Variants in SH2D4B observed in about 807,000 individuals in gnomAD.
The protein encoded by SH2D4B is SH2 domain containing 4B.
SH2D4B carries 45 observed loss-of-function variants against 61.5 expected under a neutral mutation model. The observed-to-expected ratio is 0.73, with a 90% CI of 0.58 to 0.94. SH2D4B has a LOEUF of 0.94. SH2D4B is among the 40% of genes least tolerant of loss of function. The pLI is 0.00. For missense variants in SH2D4B, 572 were observed against 574.2 expected (o/e 1.00, Z 0.04); for synonymous variants, 224 against 220.4 (o/e 1.02, Z -0.14).
intron 5 of SH2D4B, among the ~76,000 whole-genome samples, chr10:80,604,875 G>A (rs147780760): frequency 1.7e-3 from 255 of 151,702 alleles, no homozygotes; most frequent in African/African-American, 6.0e-3. Context: ...CCCACTGCAA[G>A]CTCCGCCTTC....
At position 80,547,461 on chromosome 10, in the gene SH2D4B, A is replaced by G. The variant is rs138228441; in HGVS notation, c.184+8946A>G. 3.1e-3 allele frequency among the ~76,000 whole-genome samples: 477 copies of G among 152,236 alleles called. 1 individual carries two copies. The highest frequency in any genetic ancestry group is 0.011 in the African/African-American group (464 of 41,522). ...TGCTGCACAGGAACACTGGGAAGTC[A>G]GGGGAGCAGATGCCCCAGATATCTG... is the stretch of plus-strand genomic sequence containing the variant. On this transcript the variant is annotated intron_variant, in intron 1 of 7. Transcript: ENST00000646907.
chr10:80,634,505 G>A lies in SH2D4B; in HGVS notation c.1209G>A (p.Lys403=), dbSNP rs1488719365. The change falls in exon 7 of 8, where the codon AAG becomes AAA. Residue 403 remains lysine (K), a splice_region_variant and synonymous_variant. Transcript: ENST00000646907. ...TCACGGATCTCGTTGATTTCCATAA[G>A]GTATCCCTCACAGGGATACTAATGG... ...ATLTDLVDFH[K]EEIITVSGGE... 2 of 1,549,558 alleles carry A rather than the reference G, an allele frequency of 1.3e-6. No individual in the cohort carries two copies. The highest frequency in any genetic ancestry group is 1.4e-5 in the African/African-American group (1 of 72,940).
At chr10:80,612,381 C>T (rs1564783898) in intron 6 of SH2D4B, among the ~76,000 whole-genome samples, 2 of 151,978 alleles carry the variant, frequency 1.3e-5, no homozygotes, top group Admixed American at 6.6e-5. Flanking sequence ...GCAGGGGACT[C>T]GGCTCTCCCT....
At chr10:80,545,774 G>A (rs1841669427) in intron 1 of SH2D4B, among the ~76,000 whole-genome samples, 1 of 152,152 alleles carries the variant, frequency 6.6e-6, no homozygotes, top group Non-Finnish European at 1.5e-5. Flanking sequence ...GGACACAGAT[G>A]CTAAAGGATT....
At position 80,539,515 on chromosome 10, in the gene SH2D4B, CAT is replaced by C. The variant is rs1315435719; in HGVS notation, c.184+1001_184+1002del. 1.3e-5 allele frequency among the ~76,000 whole-genome samples: 2 copies of C among 152,220 alleles called. No homozygotes were observed. The highest frequency in any genetic ancestry group is 2.9e-5 in the Non-Finnish European group (2 of 68,048). On this transcript the variant is annotated intron_variant, in intron 1 of 7. Transcript: ENST00000646907. The surrounding 1 kb of genome is among the most constrained non-coding windows in gnomAD (Gnocchi z 4.9). ...TGCTTGCTCTTGTCTCTGGTCTTCACATGAGTGGCTCTCACCGTTGGGAATGT... is the reference window on the plus strand; with the variant it reads ...TGCTTGCTCTTGTCTCTGGTCTTCACGAGTGGCTCTCACCGTTGGGAATGT...
At chr10:80,593,032 T>G (rs1275925400) in intron 4 of SH2D4B, among the ~76,000 whole-genome samples, 3 of 152,220 alleles carry the variant, frequency 2.0e-5, no homozygotes, top group African/African-American at 7.2e-5. Flanking sequence ...TTCTGTACTT[T>G]CAATCCTGTT....
At chr10:80,643,245 C>CAT (rs1182277268) in intron 7 of SH2D4B, among the ~76,000 whole-genome samples, 1 of 137,702 alleles carries the variant, frequency 7.3e-6, no homozygotes, top group African/African-American at 2.7e-5. Flanking sequence ...TTAAGTGGTT[C>CAT]TTTTTTTTTT....
chr10:80,566,048 G>A (rs906169025), intron 1 of SH2D4B, among the ~76,000 whole-genome samples: 3 of 116,802 alleles, frequency 2.6e-5, no homozygotes, highest in African/African-American at 6.5e-5. Flanking sequence ...CTGAGATCGC[G>A]CCACTGCACT....
chr10:80,548,716 G>A (rs527326889), intron 1 of SH2D4B, among the ~76,000 whole-genome samples: 5 of 152,254 alleles, frequency 3.3e-5, no homozygotes, highest in African/African-American at 1.2e-4. Context: ...TCCTTTCTTG[G>A]TTCTGCTGGC....
At chr10:80,638,324 T>A (rs1404787058) in intron 7 of SH2D4B, among the ~76,000 whole-genome samples, 1 of 152,244 alleles carries the variant, frequency 6.6e-6, no homozygotes, top group Non-Finnish European at 1.5e-5. Flanking sequence ...GAGGATTCCC[T>A]CTTTTTCTGC....
At chr10:80,626,878 T>C (rs1286124781) in intron 6 of SH2D4B, among the ~76,000 whole-genome samples, 2 of 152,244 alleles carry the variant, frequency 1.3e-5, no homozygotes, top group Non-Finnish European at 2.9e-5. Context: ...TCCGAGGACC[T>C]GAGTTCAGAT....
chr10:80,635,671 AG>A (rs2132163086), intron 7 of SH2D4B, among the ~76,000 whole-genome samples: 1 of 152,314 alleles, frequency 6.6e-6, no homozygotes, highest in African/African-American at 2.4e-5. Context: ...GGAAAGCGAA[AG>A]GGAGGGGATG....
chr10:80,546,717 CG>C (rs1275330296), intron 1 of SH2D4B, among the ~76,000 whole-genome samples: 3 of 151,160 alleles, frequency 2.0e-5, no homozygotes, highest in Non-Finnish European at 4.4e-5. Flanking sequence ...TTAGTAGAGA[CG>C]GGGTTTCACC....
At chr10:80,635,085 G>A (rs11186370) in intron 7 of SH2D4B, among the ~76,000 whole-genome samples, 26,610 of 152,114 alleles carry the variant, frequency 0.17, 2,824 homozygotes, top group Admixed American at 0.28. Flanking sequence ...TACTTAGCTC[G>A]GACCCTGTGA....
intron 6 of SH2D4B, among the ~76,000 whole-genome samples, chr10:80,610,963 G>A (rs1481524503): frequency 1.3e-5 from 2 of 152,008 alleles, no homozygotes; most frequent in South Asian, 2.1e-4. Flanking sequence ...TTGAGGTCAG[G>A]AGTTTGAAAC....
chr10:80,599,883 C>G (rs1842431248), intron 4 of SH2D4B, among the ~76,000 whole-genome samples: 1 of 152,192 alleles, frequency 6.6e-6, no homozygotes, highest in Non-Finnish European at 1.5e-5. Context: ...CCTGCTCACA[C>G]TTGTTTTTTC....
intron 4 of SH2D4B, among the ~76,000 whole-genome samples, chr10:80,599,805 A>G (rs745825952): frequency 1.3e-5 from 2 of 152,110 alleles, no homozygotes; most frequent in Non-Finnish European, 2.9e-5. Context: ...CCGAGTCACA[A>G]AAGGCCTGTG....
chr10:80,639,304 G>A (rs998626404), intron 7 of SH2D4B, among the ~76,000 whole-genome samples: 6 of 152,320 alleles, frequency 3.9e-5, no homozygotes, highest in Middle Eastern at 6.8e-3. Context: ...TATTAGGCCT[G>A]CTTGGTGCAG....
chr10:80,553,183 G>A (rs779958435), intron 1 of SH2D4B, among the ~76,000 whole-genome samples: 1 of 152,196 alleles, frequency 6.6e-6, no homozygotes, highest in Non-Finnish European at 1.5e-5. Flanking sequence ...CTCCCAAAGT[G>A]TTGGGATTAC....
Sources: allele counts gnomAD v4.1 joint callset (sites outside exome capture counted in the v4.1 genomes callset), GRCh38; gene constraint gnomAD v4.1.1; non-coding constraint Gnocchi (gnomAD v3.1); transcripts MANE v1.5; gene names NCBI Gene and HGNC (gene_info 2026-07-23, HGNC 2026-07-21).